Variants in FANCB observed in about 807,000 individuals in gnomAD.
The protein encoded by FANCB is FA complementation group B, also known as Fanconi anemia group B protein.
Under a neutral mutation model 38.9 loss-of-function variants are expected in FANCB, and 5 were observed. That is an observed-to-expected ratio of 0.13 (90% confidence interval 0.07 to 0.27). The LOEUF is 0.27. FANCB is among the 10% of genes least tolerant of loss of function. The pLI is 1.00. For missense variants in FANCB, 573 were observed against 602.7 expected, an observed-to-expected ratio of 0.95 and a Z score of 0.52; for synonymous variants, 236 against 215.4, an observed-to-expected ratio of 1.10 and a Z score of -0.84.
chrX:14,729,103 C>A, the FANCB span, among the ~76,000 whole-genome samples: 1 of 112,120 alleles, frequency 8.9e-6, no homozygotes, highest in Admixed American at 9.5e-5. Flanking sequence ...ATTTAGTATA[C>A]CTTTTATATG....
the FANCB span, among the ~76,000 whole-genome samples, chrX:14,760,788 G>A: frequency 4.5e-5 from 5 of 111,264 alleles, no homozygotes; most frequent in Non-Finnish European, 9.4e-5. Context: ...GGCCAATATG[G>A]TGAAACCCCG....
At chrX:14,723,848 T>C in the FANCB span, among the ~76,000 whole-genome samples, 1 of 112,402 alleles carries the variant, frequency 8.9e-6, no homozygotes, top group African/African-American at 3.2e-5. Flanking sequence ...TCTCATAGCA[T>C]CTTATAATTT....
the FANCB span, among the ~76,000 whole-genome samples, chrX:14,795,228 T>C: frequency 8.9e-6 from 1 of 112,537 alleles, no homozygotes; most frequent in East Asian, 2.8e-4. Flanking sequence ...ATTTTCATCT[T>C]AGTTTTTCAT....
At chrX:14,783,843 C>A in the FANCB span, among the ~76,000 whole-genome samples, 2 of 112,768 alleles carry the variant, frequency 1.8e-5, no homozygotes, top group Non-Finnish European at 3.7e-5. Context: ...GCCTTGTTAG[C>A]AATACATGTC....
chrX:14,750,310 C>T, the FANCB span, among the ~76,000 whole-genome samples: 43 of 111,796 alleles, frequency 3.8e-4, no homozygotes, highest in African/African-American at 1.2e-3. Flanking sequence ...ACACAATGGA[C>T]GTCTGTCATT....
intron 7 of FANCB, among the ~76,000 whole-genome samples, chrX:14,849,078 A>T (rs967707921): frequency 1.4e-4 from 16 of 111,850 alleles, no homozygotes; most frequent in African/African-American, 5.2e-4. Context: ...GAAAAAAGGA[A>T]ATATTCCTCA....
rs376928517 is a variant in FANCB at position 14,850,711 on chromosome X, C to T, written c.1327-37G>A. The T allele has an allele frequency of 1.2e-4, 110 of 887,919 alleles. No individual in the cohort carries two copies. The African/African-American group carries it at 1.7e-3, about 14-fold the overall frequency. 73.2% of individuals were successfully genotyped at this position (887,919 alleles called of 1,213,427 possible). On this transcript the variant is annotated intron_variant, in intron 6 of 9. Coordinates refer to ENST00000650831, the MANE Select transcript of FANCB (RefSeq NM_001018113.3). ...AGTTTAAATAACTGATTATAAAATA[C>T]GTACCGTCTGTAGCAAAACTAAAAA...
At chrX:14,780,572 C>T in the FANCB span, among the ~76,000 whole-genome samples, 3 of 110,770 alleles carry the variant, frequency 2.7e-5, no homozygotes, top group Non-Finnish European at 5.6e-5. Flanking sequence ...TTTAATTTAA[C>T]ATTTATTGCC....
the FANCB span, among the ~76,000 whole-genome samples, chrX:14,816,389 TC>T: frequency 8.9e-6 from 1 of 111,843 alleles, no homozygotes; most frequent in Non-Finnish European, 1.9e-5. Context: ...AGAAGTTTTT[TC>T]CCACCTCCCT....
chrX:14,819,229 C>A, the FANCB span, among the ~76,000 whole-genome samples: 2 of 111,532 alleles, frequency 1.8e-5, no homozygotes, highest in Non-Finnish European at 3.8e-5. Context: ...GCCCTTGGAA[C>A]ATAGACCCAG....
chrX:14,721,924 G>A, the FANCB span, among the ~76,000 whole-genome samples: 1 of 111,261 alleles, frequency 9.0e-6, no homozygotes, highest in Non-Finnish European at 1.9e-5. Flanking sequence ...AAACAATGTT[G>A]GTAAACTTTT....
At chrX:14,715,705 C>T in the FANCB span, among the ~76,000 whole-genome samples, 1 of 111,169 alleles carries the variant, frequency 9.0e-6, no homozygotes, top group African/African-American at 3.3e-5. Flanking sequence ...GAGGATTATT[C>T]TATATAAAGG....
At chrX:14,727,655 A>AT in the FANCB span, among the ~76,000 whole-genome samples, 1 of 112,569 alleles carries the variant, frequency 8.9e-6, no homozygotes, top group Non-Finnish European at 1.9e-5. Context: ...GGCTTCACTT[A>AT]TTTAAAACTT....
At chrX:14,852,905 C>A (rs2147411265) in intron 6 of FANCB, 134 bp downstream of exon 6, 1 of 511,693 alleles carries the variant, frequency 2.0e-6, no homozygotes. Context: ...CCATTATAAC[C>A]TCTGCTACTT....
chrX:14,731,253 G>A, the FANCB span: 1 of 112,165 alleles, frequency 8.9e-6, no homozygotes, highest in Non-Finnish European at 1.9e-5. Context: ...AACTTAAATT[G>A]TGTATTGTGT....
At chrX:14,858,398 A>G (rs906997408) in intron 4 of FANCB, among the ~76,000 whole-genome samples, 3 of 104,114 alleles carry the variant, frequency 2.9e-5, no homozygotes, top group African/African-American at 1.0e-4. Flanking sequence ...CTCTGTCTCC[A>G]AAAAAAAAAA....
At chrX:14,798,608 C>T in the FANCB span, among the ~76,000 whole-genome samples, 1 of 112,017 alleles carries the variant, frequency 8.9e-6, no homozygotes. Context: ...ATACAAGAGA[C>T]TTCTGGCTAA....
chrX:14,794,646 TAGTA>T, the FANCB span, among the ~76,000 whole-genome samples: 3 of 112,325 alleles, frequency 2.7e-5, no homozygotes, highest in African/African-American at 9.7e-5. Context: ...GCCACATAGC[TAGTA>T]AGCTGCAGAG....
At chrX:14,735,732 G>T in the FANCB span, among the ~76,000 whole-genome samples, 1 of 112,637 alleles carries the variant, frequency 8.9e-6, no homozygotes, top group African/African-American at 3.2e-5. Context: ...ACTTGAGGAG[G>T]CAGTCTGTCG....
Sources: allele counts gnomAD v4.1 joint callset (sites outside exome capture counted in the v4.1 genomes callset), GRCh38; gene constraint gnomAD v4.1.1; transcripts MANE v1.5; gene names NCBI Gene and HGNC (gene_info 2026-07-23, HGNC 2026-07-21).